The following ZFYVE9 variants were observed in gnomAD, a reference collection of about 807,000 sequenced individuals.
ZFYVE9 encodes zinc finger FYVE domain-containing protein 9.
Under a neutral mutation model 126.7 loss-of-function variants are expected in ZFYVE9, and 43 were observed. That is an observed-to-expected ratio of 0.34 (90% CI 0.27 to 0.44). The LOEUF (loss-of-function observed/expected upper bound fraction) is 0.44, where lower values mean the gene tolerates loss of function less well. Ranked by LOEUF, ZFYVE9 falls within the 20% of genes least tolerant of loss-of-function variation. ZFYVE9 has a pLI of 1.00. For missense variants in ZFYVE9, 1,476 were observed against 1,697.0 expected, an observed-to-expected ratio of 0.87 and a Z score of 2.29; for synonymous variants, 521 against 597.4, an observed-to-expected ratio of 0.87 and a Z score of 1.87.
intron 3 of ZFYVE9, among the ~76,000 whole-genome samples, chr1:52,236,715 A>G (rs1043630110): frequency 6.6e-6 from 1 of 152,142 alleles, no homozygotes; most frequent in Admixed American, 6.5e-5. Context: ...GTCCTCAGAT[A>G]ATAATATAAA....
chr1:52,311,799 A>T (rs930864232), intron 13 of ZFYVE9, among the ~76,000 whole-genome samples: 37 of 147,586 alleles, frequency 2.5e-4, no homozygotes, highest in African/African-American at 2.5e-4. Flanking sequence ...TTATTTATTT[A>T]TTTTTTTTTT....
intron 18 of ZFYVE9, chr1:52,345,797 A>G (rs1646477755): frequency 3.1e-6 from 1 of 327,248 alleles, no homozygotes; most frequent in African/African-American, 2.1e-5. Context: ...ATACCTTTTT[A>G]CACACCTCTA....
chr1:52,310,759 G>T (rs1409745815), intron 13 of ZFYVE9, among the ~76,000 whole-genome samples: 3 of 152,224 alleles, frequency 2.0e-5, no homozygotes, highest in Non-Finnish European at 2.9e-5. Flanking sequence ...TATGTAACCA[G>T]ATCACTGGCA....
chr1:52,331,576 C>A (rs923762207), intron 13 of ZFYVE9, among the ~76,000 whole-genome samples: 7 of 151,222 alleles, frequency 4.6e-5, no homozygotes, highest in African/African-American at 7.3e-5. Context: ...CACGGTGAAA[C>A]CTTGTCTCTA....
chr1:52,339,347 GTGCGATCGCAGCTCAC>G (rs1646415240), intron 16 of ZFYVE9, among the ~76,000 whole-genome samples: 1 of 152,068 alleles, frequency 6.6e-6, no homozygotes, highest in African/African-American at 2.4e-5. Flanking sequence ...GAGTACAGTG[GTGCGATCGCAGCTCAC>G]TGCAACCTCC....
intron 1 of ZFYVE9, chr1:52,180,202 G>A (rs1311769754): frequency 1.3e-6 from 2 of 1,579,676 alleles, no homozygotes; most frequent in African/African-American, 2.7e-5. Flanking sequence ...TACAAACAAG[G>A]AATTCCCCTC....
chr1:52,275,396 T>C (rs1645735398), intron 8 of ZFYVE9, among the ~76,000 whole-genome samples: 1 of 152,236 alleles, frequency 6.6e-6, no homozygotes, highest in African/African-American at 2.4e-5. Flanking sequence ...TTCTTTTGGA[T>C]ATACACCCAG....
chr1:52,287,360 G>A lies in ZFYVE9; in HGVS notation c.3025+5544G>A, dbSNP rs573435552. Among the ~76,000 whole-genome samples the A allele has an allele frequency of 3.9e-5, 6 of 152,178 alleles. No homozygotes were observed. The South Asian group carries it at 6.2e-4, about 16-fold the overall frequency. Reference sequence around the variant, plus strand: ...ACTCCCAACCTCAGGTGATCCACCCGCCTGGGCCACCCAAAATGCTGGGAT... The same window carrying A: ...ACTCCCAACCTCAGGTGATCCACCCACCTGGGCCACCCAAAATGCTGGGAT... On this transcript the variant is annotated intron_variant, in intron 10 of 18. Coordinates refer to ENST00000287727, the MANE Select transcript of ZFYVE9 (RefSeq NM_004799.4).
At chr1:52,221,316 G>T (rs1422500096) in intron 2 of ZFYVE9, among the ~76,000 whole-genome samples, 1 of 152,158 alleles carries the variant, frequency 6.6e-6, no homozygotes, top group Non-Finnish European at 1.5e-5. Flanking sequence ...AAGGGGTTTT[G>T]CTTAGATCCA....
chr1:52,249,801 A>G (rs1645426292), intron 4 of ZFYVE9, among the ~76,000 whole-genome samples: 1 of 152,200 alleles, frequency 6.6e-6, no homozygotes, highest in South Asian at 2.1e-4. Context: ...TTTTTTGTGT[A>G]TAGTATTAGC....
Position 52,237,960 on chromosome 1 carries a change from T to C in ZFYVE9, c.543T>C (p.Phe181=). 2 of 1,614,080 alleles carry C rather than the reference T, an allele frequency of 1.2e-6. No homozygotes were observed. The highest frequency in any genetic ancestry group is 1.7e-6 in the Non-Finnish European group (2 of 1,179,970). ...ATAGTCAATCCCTTATGGATGCTTTTAGCTGTTCACTGGATAATGAAAACA... is the reference window on the plus strand; with the variant it reads ...ATAGTCAATCCCTTATGGATGCTTTCAGCTGTTCACTGGATAATGAAAACA... ...NYNSQSLMDA[F]SCSLDNENRQ... The change falls in exon 4 of 19, where the codon TTT becomes TTC. Residue 181 remains phenylalanine, a synonymous_variant. Transcript: ENST00000287727.
intron 8 of ZFYVE9, among the ~76,000 whole-genome samples, chr1:52,277,489 C>T (rs1260067178): frequency 6.6e-6 from 1 of 152,012 alleles, no homozygotes; most frequent in African/African-American, 2.4e-5. Flanking sequence ...ATTTTTTATT[C>T]CAGTGGGATG....
chr1:52,295,785 T>C (rs1645967944), intron 11 of ZFYVE9, 110 bp from the exon 12 acceptor site: 1 of 868,924 alleles, frequency 1.2e-6, no homozygotes, highest in East Asian at 2.7e-5. Flanking sequence ...ATTTGATATG[T>C]TCTAATGAGC....
At chr1:52,261,989 G>A (rs761962990) in intron 4 of ZFYVE9, among the ~76,000 whole-genome samples, 24 of 152,198 alleles carry the variant, frequency 1.6e-4, no homozygotes, top group Non-Finnish European at 2.1e-4. Context: ...TTTACTAGCT[G>A]TATGACCCTG....
chr1:52,162,515 T>TA (rs1162507333), intron 1 of ZFYVE9: 18 of 260,176 alleles, frequency 6.9e-5, no homozygotes, highest in African/African-American at 4.1e-4. Flanking sequence ...TTGAGTCATC[T>TA]ATTCCCTAAA....
intron 10 of ZFYVE9, among the ~76,000 whole-genome samples, chr1:52,286,694 T>C (rs1645864420): frequency 6.6e-6 from 1 of 152,236 alleles, no homozygotes; most frequent in Non-Finnish European, 1.5e-5. Context: ...ACCAGATTGT[T>C]ATTTCTGGAG....
intron 12 of ZFYVE9, among the ~76,000 whole-genome samples, chr1:52,299,872 G>A (rs1279069255): frequency 6.6e-6 from 1 of 152,244 alleles, no homozygotes; most frequent in African/African-American, 2.4e-5. Flanking sequence ...AGGGCTGTAT[G>A]ACATGGGCTC....
At chr1:52,335,036 A>G (rs1461928828) in intron 15 of ZFYVE9, 6 of 277,570 alleles carry the variant, frequency 2.2e-5, no homozygotes, top group Non-Finnish European at 3.4e-5. Context: ...GAGTTCAAAT[A>G]TATCATTGGG....
intron 12 of ZFYVE9, among the ~76,000 whole-genome samples, chr1:52,302,956 A>G (rs1646049405): frequency 6.6e-6 from 1 of 151,892 alleles, no homozygotes; most frequent in African/African-American, 2.4e-5. Flanking sequence ...CTAAAAATAC[A>G]AAAATTAGCC....
Sources: allele counts gnomAD v4.1 joint callset (sites outside exome capture counted in the v4.1 genomes callset), GRCh38; gene constraint gnomAD v4.1.1; transcripts MANE v1.5; gene names NCBI Gene and HGNC (gene_info 2026-07-23, HGNC 2026-07-21).